The following PDLIM5 variants were observed in gnomAD, a reference collection of about 807,000 sequenced individuals.
PDLIM5 encodes the protein PDZ and LIM domain protein 5.
A neutral mutation model predicts 64.2 loss-of-function variants in PDLIM5; 34 were observed. The observed-to-expected ratio is 0.53, with a 90% CI of 0.40 to 0.71. The LOEUF (loss-of-function observed/expected upper bound fraction) is 0.71. Among genes scored for constraint, PDLIM5 ranks in the 30% least tolerant of loss-of-function variants. PDLIM5 has a pLI of 0.00. For synonymous variants in PDLIM5, 253 were observed against 269.1 expected (o/e 0.94, Z 0.59); for missense variants, 683 against 733.6 (o/e 0.93, Z 0.80).
chr4:94,594,460 A>G (rs1736909481), intron 7 of PDLIM5, among the ~76,000 whole-genome samples: 1 of 152,090 alleles, frequency 6.6e-6, no homozygotes, highest in Non-Finnish European at 1.5e-5. Flanking sequence ...CTAATCTACA[A>G]CATTGATTTA....
intron 3 of PDLIM5, among the ~76,000 whole-genome samples, chr4:94,553,295 G>A (rs986818202): frequency 1.3e-5 from 2 of 151,962 alleles, no homozygotes; most frequent in African/African-American, 4.8e-5. Flanking sequence ...TTTTAATAGA[G>A]ACAGGGTTTA....
intron 3 of PDLIM5, among the ~76,000 whole-genome samples, chr4:94,526,984 C>G (rs1046571436): frequency 2.6e-5 from 4 of 151,244 alleles, no homozygotes; most frequent in African/African-American, 9.7e-5. Context: ...ATCCACCTGC[C>G]TCGGCCTCCC....
chr4:94,516,301 A>C (rs2110116481), intron 2 of PDLIM5, among the ~76,000 whole-genome samples: 1 of 152,360 alleles, frequency 6.6e-6, no homozygotes, highest in East Asian at 1.9e-4. Context: ...CATTGCTACC[A>C]TATAAGGTGT....
chr4:94,520,968 G>T (rs145898576), intron 2 of PDLIM5, among the ~76,000 whole-genome samples: 213 of 152,288 alleles, frequency 1.4e-3, no homozygotes, highest in African/African-American at 4.8e-3. Context: ...GTACAGTTAA[G>T]TTCTTCCTAA....
Position 94,657,937 on chromosome 4 carries a change from G to A in PDLIM5, c.1585+390G>A, listed in dbSNP as rs1426692866. Among the ~76,000 whole-genome samples the A allele has an allele frequency of 2.0e-5, 3 of 152,176 alleles. 1 individual carries two copies. The South Asian group carries it at 6.2e-4, about 32-fold the overall frequency. On this transcript the variant is annotated intron_variant, in intron 11 of 12. Transcript: ENST00000317968. ...GCCCGGCTGGTCTCGAACTCCCGAC[G>A]TCAGGTGATCCACCTCCCAAAGTGC... is the stretch of plus-strand genomic sequence containing the variant.
At chr4:94,537,490 A>G (rs1731414835) in intron 3 of PDLIM5, among the ~76,000 whole-genome samples, 1 of 152,198 alleles carries the variant, frequency 6.6e-6, no homozygotes, top group Non-Finnish European at 1.5e-5. Context: ...AAATAAATAA[A>G]TTATAACAAT....
chr4:94,662,448 TG>T lies in PDLIM5; in HGVS notation c.1613del (p.Cys538SerfsTer8), dbSNP rs1466942775. On this transcript the variant is annotated frameshift_variant, in exon 12 of 13. Transcript: ENST00000317968. LOFTEE classifies it high-confidence loss of function. ...TDYYALFGTI[C>X]HGCEFPIEAG... Reference sequence around the variant, plus strand: ...TTATTATGCCCTCTTTGGTACTATATGCCATGGATGTGAATTTCCCATAGAA... The same window carrying T: ...TTATTATGCCCTCTTTGGTACTATATCCATGGATGTGAATTTCCCATAGAA... 1 of 1,581,192 alleles carries T rather than the reference TG, an allele frequency of 6.3e-7. No individual in the cohort carries two copies. Among genetic ancestry groups the T allele is most frequent in the Non-Finnish European group, 8.7e-7 (1 of 1,150,108 alleles).
chr4:94,599,353 T>C (rs1737307422), intron 7 of PDLIM5, among the ~76,000 whole-genome samples: 1 of 151,938 alleles, frequency 6.6e-6, no homozygotes, highest in South Asian at 2.1e-4. Context: ...AGTGGAAAAT[T>C]GGTAAGTCAG....
At chr4:94,549,961 A>G (rs1417568019) in intron 3 of PDLIM5, 1 of 152,144 alleles carries the variant, frequency 6.6e-6, no homozygotes, top group Non-Finnish European at 1.5e-5. Flanking sequence ...CAATAAAATG[A>G]CGATACCAGT....
chr4:94,648,645 ACC>A (rs1741605737), intron 9 of PDLIM5, among the ~76,000 whole-genome samples: 1 of 152,146 alleles, frequency 6.6e-6, no homozygotes, highest in African/African-American at 2.4e-5. Context: ...TTAGCTGAGT[ACC>A]CTGCTCAGAA....
intron 5 of PDLIM5, chr4:94,579,431 C>T: frequency 5.5e-6 from 3 of 541,352 alleles, no homozygotes; most frequent in Non-Finnish European, 9.6e-6. Flanking sequence ...CTTCTAACAG[C>T]TCCTGTGTGA....
chr4:94,574,731 A>G (rs1434562660), intron 4 of PDLIM5, among the ~76,000 whole-genome samples: 3 of 150,740 alleles, frequency 2.0e-5, no homozygotes, highest in African/African-American at 7.3e-5. Context: ...TTAACTTTAA[A>G]TATGCTTTGG....
At chr4:94,486,433 A>G (rs940364933) in intron 2 of PDLIM5, among the ~76,000 whole-genome samples, 2 of 152,172 alleles carry the variant, frequency 1.3e-5, no homozygotes, top group Non-Finnish European at 2.9e-5. Context: ...TTCTCATAAG[A>G]AAGTTTTGTG....
chr4:94,547,703 A>T (rs1237717235), intron 3 of PDLIM5, among the ~76,000 whole-genome samples: 3 of 152,210 alleles, frequency 2.0e-5, no homozygotes, highest in African/African-American at 7.2e-5. Flanking sequence ...TGACTGTAAC[A>T]ATGTAGATTA....
chr4:94,622,827 C>A (rs57981938), intron 8 of PDLIM5, among the ~76,000 whole-genome samples: 8,211 of 152,076 alleles, frequency 0.054, 752 homozygotes, highest in African/African-American at 0.19. Context: ...CCTGCCACCA[C>A]ACCCAGCTAA....
intron 2 of PDLIM5, among the ~76,000 whole-genome samples, chr4:94,458,412 G>T (rs940540367): frequency 2.0e-5 from 3 of 151,780 alleles, no homozygotes; most frequent in African/African-American, 7.3e-5. Context: ...ACTTTAAAAA[G>T]AAAACTATTT....
chr4:94,554,458 A>G (rs958658160), intron 3 of PDLIM5, among the ~76,000 whole-genome samples: 3 of 152,170 alleles, frequency 2.0e-5, no homozygotes, highest in Admixed American at 6.5e-5. Flanking sequence ...TTATATATGT[A>G]TATACATTCG....
intron 5 of PDLIM5, chr4:94,584,868 A>G: frequency 1.5e-6 from 1 of 668,822 alleles, no homozygotes. Context: ...AAGAAGTTTG[A>G]TTTTGACTAC....
chr4:94,494,413 C>G (rs1727151226), intron 2 of PDLIM5, among the ~76,000 whole-genome samples: 1 of 95,356 alleles, frequency 1.0e-5, no homozygotes, highest in Non-Finnish European at 2.5e-5. Context: ...CCTGAGCATT[C>G]ACTAATTTTT....
Sources: gnomAD v4.1 joint callset for allele counts (sites outside exome capture counted in the v4.1 genomes callset) on GRCh38, gnomAD v4.1.1 for gene constraint, MANE v1.5 for transcripts, NCBI Gene and HGNC (gene_info 2026-07-23, HGNC 2026-07-21) for gene names.